MTCL2: variants seen among roughly 807,000 people sequenced by gnomAD.
MTCL2 encodes the protein microtubule crosslinking factor 2, also known as microtubule cross-linking factor 2.
the MTCL2 span, among the ~76,000 whole-genome samples, chr20:36,802,423 T>C: frequency 6.6e-6 from 1 of 152,286 alleles, no homozygotes; most frequent in East Asian, 1.9e-4. Context: ...TTGCTTTTCC[T>C]TTCCTCCTTC....
the MTCL2 span, among the ~76,000 whole-genome samples, chr20:36,855,320 T>C: frequency 6.6e-6 from 1 of 152,304 alleles, no homozygotes; most frequent in African/African-American, 2.4e-5. Flanking sequence ...TCCAGCCCAG[T>C]CAGCTTGGCT....
the MTCL2 span, among the ~76,000 whole-genome samples, chr20:36,846,456 C>T: frequency 6.6e-6 from 1 of 152,182 alleles, no homozygotes; most frequent in Non-Finnish European, 1.5e-5. Flanking sequence ...GGATGGGGGA[C>T]CAGGGCACCC....
chr20:36,817,160 G>A, the MTCL2 span, among the ~76,000 whole-genome samples: 8 of 151,544 alleles, frequency 5.3e-5, no homozygotes, highest in Non-Finnish European at 1.0e-4. Context: ...CCAGCTACTC[G>A]GGAGGCTGAG....
chr20:36,779,237 C>T, the MTCL2 span: 42,763 of 152,506 alleles, frequency 0.28, 6,452 homozygotes, highest in Middle Eastern at 0.37. Context: ...TTGGGGTGAA[C>T]TGTAGATTCT....
At chr20:36,833,246 GGGCTTACTGTGTCA>G in the MTCL2 span, among the ~76,000 whole-genome samples, 1 of 152,188 alleles carries the variant, frequency 6.6e-6, no homozygotes, top group African/African-American at 2.4e-5. Context: ...CCCCAACAGT[GGGCTTACTGTGTCA>G]GGCATTTGAA....
chr20:36,859,993 C>T, the MTCL2 span: 3 of 1,085,806 alleles, frequency 2.8e-6, no homozygotes, highest in Non-Finnish European at 3.5e-6. Context: ...AGTAATAACC[C>T]CTCTATTTAT....
chr20:36,799,073 A>G, the MTCL2 span, among the ~76,000 whole-genome samples: 1 of 152,126 alleles, frequency 6.6e-6, no homozygotes, highest in East Asian at 1.9e-4. Flanking sequence ...AAATAACACT[A>G]GGCCAGGTGT....
At chr20:36,784,954 A>C in the MTCL2 span, 1 of 985,328 alleles carries the variant, frequency 1.0e-6, no homozygotes, top group Non-Finnish European at 1.2e-6. Context: ...CCACACTCTT[A>C]ATAGAGCTTT....
the MTCL2 span, among the ~76,000 whole-genome samples, chr20:36,803,679 G>A: frequency 6.6e-6 from 1 of 151,886 alleles, no homozygotes; most frequent in South Asian, 2.1e-4. Context: ...ATTGGGGCCG[G>A]GAGTGGTGGC....
the MTCL2 span, among the ~76,000 whole-genome samples, chr20:36,816,757 G>A: frequency 6.6e-6 from 1 of 152,176 alleles, no homozygotes. Context: ...GATAGGAAAT[G>A]GAGCCCAGAA....
chr20:36,794,445 C>G, the MTCL2 span: 1 of 1,614,040 alleles, frequency 6.2e-7, no homozygotes, highest in Non-Finnish European at 8.5e-7. The surrounding 1 kb of genome is among the most constrained non-coding windows in gnomAD (Gnocchi z 5.4). Flanking sequence ...CCAGGCTTCT[C>G]CTTGGTGTCT....
chr20:36,801,736 C>T, the MTCL2 span, among the ~76,000 whole-genome samples: 8 of 152,060 alleles, frequency 5.3e-5, no homozygotes, highest in South Asian at 2.1e-4. Context: ...AAGACCGAGG[C>T]GGGCGGATCA....
chr20:36,839,116 C>T, the MTCL2 span: 1 of 1,087,936 alleles, frequency 9.2e-7, no homozygotes, highest in Non-Finnish European at 1.3e-6. The surrounding 1 kb of genome is among the most constrained non-coding windows in gnomAD (Gnocchi z 5.1). Context: ...GGTGGTAGAA[C>T]TTGGCCATGG....
At chr20:36,797,382 A>C in the MTCL2 span, 1 of 989,870 alleles carries the variant, frequency 1.0e-6, no homozygotes, top group Non-Finnish European at 1.5e-6. Flanking sequence ...GAGGAGCCCA[A>C]GGTGCAAGGG....
chr20:36,825,450 A>C, the MTCL2 span, among the ~76,000 whole-genome samples: 1 of 152,236 alleles, frequency 6.6e-6, no homozygotes, highest in South Asian at 2.1e-4. Flanking sequence ...CAGCTATACC[A>C]TAATAAATCA....
At chr20:36,861,968 A>C in the MTCL2 span, among the ~76,000 whole-genome samples, 1 of 152,228 alleles carries the variant, frequency 6.6e-6, no homozygotes, top group Non-Finnish European at 1.5e-5. Context: ...ACGAGGGGCC[A>C]ATGGGGCTGT....
the MTCL2 span, among the ~76,000 whole-genome samples, chr20:36,827,603 A>G: frequency 6.6e-6 from 1 of 151,978 alleles, no homozygotes; most frequent in Non-Finnish European, 1.5e-5. Context: ...AAGTGCTGGG[A>G]TTATAGGTGT....
At chr20:36,817,431 C>T in the MTCL2 span, 1 of 1,592,714 alleles carries the variant, frequency 6.3e-7, no homozygotes, top group Non-Finnish European at 8.5e-7. Context: ...TCTTATCGGC[C>T]TTCCCCAGGG....
the MTCL2 span, chr20:36,802,759 T>C: frequency 7.1e-7 from 1 of 1,417,176 alleles, no homozygotes; most frequent in Non-Finnish European, 9.4e-7. Flanking sequence ...GATGAGCACC[T>C]AGATCCAGCT....
Sources: gnomAD v4.1 joint callset for allele counts (sites outside exome capture counted in the v4.1 genomes callset) on GRCh38, gnomAD v4.1.1 for gene constraint, Gnocchi (gnomAD v3.1) non-coding constraint, MANE v1.5 for transcripts, NCBI Gene and HGNC (gene_info 2026-07-23, HGNC 2026-07-21) for gene names.